Variants in SAMTOR observed in about 807,000 individuals in gnomAD.
SAMTOR encodes S-adenosylmethionine sensor upstream of mTORC1, also known as UPF0532 protein C7orf60.
chr7:112,871,619 C>G, the SAMTOR span, among the ~76,000 whole-genome samples: 1 of 151,760 alleles, frequency 6.6e-6, no homozygotes, highest in Non-Finnish European at 1.5e-5. Flanking sequence ...TGGAAAAACA[C>G]AAACTGATTG....
the SAMTOR span, among the ~76,000 whole-genome samples, chr7:112,872,433 A>T: frequency 6.6e-6 from 1 of 152,268 alleles, no homozygotes; most frequent in Admixed American, 6.5e-5. Context: ...TCATGATAAA[A>T]ATCCTCAACA....
chr7:112,821,539 A>G, the SAMTOR span: 1 of 447,352 alleles, frequency 2.2e-6, no homozygotes, highest in Non-Finnish European at 3.9e-6. Context: ...CTGCTATGAC[A>G]TGAGTCACTC....
the SAMTOR span, among the ~76,000 whole-genome samples, chr7:112,879,978 C>G: frequency 6.6e-6 from 1 of 152,050 alleles, no homozygotes; most frequent in Admixed American, 6.5e-5. Context: ...TAAATCTTTA[C>G]TAGTTAGGGA....
the SAMTOR span, among the ~76,000 whole-genome samples, chr7:112,885,798 C>A: frequency 3.3e-5 from 5 of 152,198 alleles, no homozygotes; most frequent in East Asian, 9.6e-4. Flanking sequence ...CTGCCTGTTA[C>A]CCAGTTCCAA....
At chr7:112,834,994 T>C in the SAMTOR span, among the ~76,000 whole-genome samples, 1 of 152,212 alleles carries the variant, frequency 6.6e-6, no homozygotes, top group Non-Finnish European at 1.5e-5. Flanking sequence ...CATTTTGTTA[T>C]AATTGTTCTA....
chr7:112,896,188 T>C, the SAMTOR span, among the ~76,000 whole-genome samples: 3 of 152,058 alleles, frequency 2.0e-5, no homozygotes, highest in Non-Finnish European at 2.9e-5. Flanking sequence ...AGGGTGAGTG[T>C]GCGTGCACGC....
the SAMTOR span, among the ~76,000 whole-genome samples, chr7:112,896,186 T>TGTGC: frequency 2.6e-5 from 4 of 152,158 alleles, no homozygotes; most frequent in South Asian, 4.2e-4. Flanking sequence ...TCAGGGTGAG[T>TGTGC]GTGCGTGCAC....
At chr7:112,881,728 G>C in the SAMTOR span, among the ~76,000 whole-genome samples, 4 of 152,166 alleles carry the variant, frequency 2.6e-5, no homozygotes, top group Non-Finnish European at 2.9e-5. Context: ...TGCCTGCAGA[G>C]AAGCTACCAC....
the SAMTOR span, among the ~76,000 whole-genome samples, chr7:112,900,217 G>A: frequency 6.6e-6 from 1 of 152,180 alleles, no homozygotes; most frequent in Admixed American, 6.5e-5. Context: ...AATCTGCTAT[G>A]CCTAAGCTGT....
the SAMTOR span, chr7:112,832,794 C>T: frequency 1.2e-4 from 72 of 607,214 alleles, no homozygotes; most frequent in East Asian, 9.6e-4. Context: ...AAATTACTGA[C>T]GGCCCCAATG....
the SAMTOR span, among the ~76,000 whole-genome samples, chr7:112,834,446 T>C: frequency 1.3e-5 from 2 of 152,048 alleles, no homozygotes; most frequent in African/African-American, 2.4e-5. Flanking sequence ...TTGGATACAA[T>C]AGTCCCCCCT....
the SAMTOR span, chr7:112,820,776 G>A: frequency 2.0e-5 from 3 of 151,966 alleles, no homozygotes; most frequent in African/African-American, 4.8e-5. Context: ...CCAACAGAGG[G>A]TTAATTTTAG....
At chr7:112,841,610 G>A in the SAMTOR span, among the ~76,000 whole-genome samples, 2 of 151,936 alleles carry the variant, frequency 1.3e-5, no homozygotes, top group Non-Finnish European at 2.9e-5. Context: ...AAAGGAGCCC[G>A]TATAGCCAAG....
At chr7:112,922,234 A>T in the SAMTOR span, among the ~76,000 whole-genome samples, 1 of 152,214 alleles carries the variant, frequency 6.6e-6, no homozygotes, top group African/African-American at 2.4e-5. Context: ...CCGGGATTGC[A>T]GACGGAGTCT....
chr7:112,903,365 G>A, the SAMTOR span, among the ~76,000 whole-genome samples: 1 of 150,714 alleles, frequency 6.6e-6, no homozygotes. Context: ...AGAAAAAAAT[G>A]ATGAATTTTT....
At chr7:112,864,493 A>G in the SAMTOR span, among the ~76,000 whole-genome samples, 1 of 152,198 alleles carries the variant, frequency 6.6e-6, no homozygotes, top group Non-Finnish European at 1.5e-5. Context: ...GAGTTAATCC[A>G]TAACAGTACA....
the SAMTOR span, among the ~76,000 whole-genome samples, chr7:112,920,646 G>C: frequency 4.1e-5 from 6 of 145,058 alleles, no homozygotes; most frequent in East Asian, 1.2e-3. Context: ...ATTAGGAAAA[G>C]AGGAAGTCAA....
At chr7:112,829,132 T>C in the SAMTOR span, among the ~76,000 whole-genome samples, 1 of 152,176 alleles carries the variant, frequency 6.6e-6, no homozygotes, top group African/African-American at 2.4e-5. Flanking sequence ...ATTTAGTTGC[T>C]TAGATTTGTA....
At chr7:112,888,622 A>T in the SAMTOR span, among the ~76,000 whole-genome samples, 1 of 152,192 alleles carries the variant, frequency 6.6e-6, no homozygotes, top group East Asian at 1.9e-4. Context: ...GGTATGCATG[A>T]AATCTAAGTG....
Sources: gnomAD v4.1 joint callset for allele counts (sites outside exome capture counted in the v4.1 genomes callset) on GRCh38, gnomAD v4.1.1 for gene constraint, MANE v1.5 for transcripts, NCBI Gene and HGNC (gene_info 2026-07-23, HGNC 2026-07-21) for gene names.